The following RTEL1 variants were observed in gnomAD, a reference collection of about 807,000 sequenced individuals.
RTEL1 encodes regulator of telomere elongation helicase 1.
Under a neutral mutation model 162.2 loss-of-function variants are expected in RTEL1, and 86 were observed. The ratio of observed to expected loss-of-function variants is 0.53; its 90% CI spans 0.45 to 0.63. The LOEUF (loss-of-function observed/expected upper bound fraction) is 0.63, where lower values mean the gene tolerates loss of function less well. Among genes scored for constraint, RTEL1 ranks in the 30% least tolerant of loss-of-function variants. The pLI, the probability that RTEL1 is intolerant of heterozygous loss-of-function variation, is 0.00. For synonymous variants in RTEL1, 958 were observed against 717.9 expected (o/e 1.33, Z -5.35); for missense variants, 1,941 against 1,750.2 (o/e 1.11, Z -1.95).
chr20:63,691,007 C>T, intron 27 of RTEL1, 60 bp downstream of exon 27: 2 of 1,476,740 alleles, frequency 1.4e-6, no homozygotes, highest in Non-Finnish European at 1.8e-6. Flanking sequence ...CCAACCCGAC[C>T]CCGCCCATCT....
chr20:63,678,108 T>C (rs1231679986), intron 10 of RTEL1, 37 bp from the exon 11 acceptor site: 5 of 1,613,824 alleles, frequency 3.1e-6, no homozygotes, highest in Non-Finnish European at 4.2e-6. Context: ...GGCACGAGCG[T>C]GATGCAGACT....
At chr20:63,682,405 C>G (rs936328966) in intron 14 of RTEL1, 1 of 985,662 alleles carries the variant, frequency 1.0e-6, no homozygotes, top group African/African-American at 1.7e-5. Context: ...ACGCGGCCTC[C>G]CAGCCTCCCA....
chr20:63,675,403 A>G (rs1011723302), intron 10 of RTEL1, among the ~76,000 whole-genome samples: 4 of 152,110 alleles, frequency 2.6e-5, no homozygotes, highest in Non-Finnish European at 5.9e-5. Context: ...CCCCGTCCTC[A>G]CCCTTCTCAC....
rs1375173347 is a variant in RTEL1 at position 63,661,086 on chromosome 20, C to T, written c.103-212C>T. 6.6e-6 allele frequency among the ~76,000 whole-genome samples: 1 copy of T among 152,250 alleles called. No homozygotes were observed. Among genetic ancestry groups the T allele is most frequent in the Non-Finnish European group, 1.5e-5 (1 of 68,040 alleles). On this transcript the variant is annotated intron_variant, in intron 2 of 34. Coordinates refer to ENST00000360203, the MANE Select transcript of RTEL1 (RefSeq NM_001283009.2). This position sits in a 1 kb window ranked among gnomAD's most constrained non-coding sequence, Gnocchi z 5.1. ...TGGGTAACGTTCTGCAAATCGTTTG[C>T]TAATGGCGGCTGAGTTGCTTCACGC...
intron 9 of RTEL1, among the ~76,000 whole-genome samples, chr20:63,673,220 C>G (rs1353577747): frequency 6.6e-6 from 1 of 151,852 alleles, no homozygotes; most frequent in East Asian, 2.0e-4. Flanking sequence ...AGTGAAACAC[C>G]GTCTCTACTA....
Position 63,661,441 on chromosome 20 carries a change from G to A in RTEL1, c.246G>A (p.Pro82=), listed in dbSNP as rs775247678. The A allele has an allele frequency of 2.5e-5, 40 of 1,613,620 alleles. No individual in the cohort carries two copies. In the Middle Eastern group the frequency reaches 6.6e-4, roughly 27 times the overall value. ...IAERAQGELF[P]DRALSSWGNA... is the part of the protein sequence containing the mutation. ...AGAGGGCGCAAGGAGAGCTTTTCCC[G>A]GATCGGGCCTTGTCATCCTGGGGCA... Residue 82 remains proline (P), a synonymous_variant, in exon 3 of 35, where the codon CCG becomes CCA. Coordinates refer to ENST00000360203, the MANE Select transcript of RTEL1 (RefSeq NM_001283009.2). This position sits in a 1 kb window ranked among gnomAD's most constrained non-coding sequence, Gnocchi z 5.1.
intron 14 of RTEL1, chr20:63,682,785 G>A (rs1241346530): frequency 2.0e-5 from 15 of 758,450 alleles, no homozygotes; most frequent in Non-Finnish European, 2.4e-5. Context: ...TCAGCTGGAG[G>A]CGAACTCCAG....
chr20:63,690,668 C>CGAG, intron 26 of RTEL1, 137 bp from the exon 27 acceptor site: 4 of 1,077,316 alleles, frequency 3.7e-6, no homozygotes, highest in Non-Finnish European at 5.2e-6. Context: ...GGCTGAGACT[C>CGAG]CCCCCAATAG....
chr20:63,687,584 G>C, intron 16 of RTEL1, 54 bp from the exon 17 acceptor site: 8 of 1,526,904 alleles, frequency 5.2e-6, no homozygotes, highest in Non-Finnish European at 7.0e-6. Flanking sequence ...CAGGTGGTCA[G>C]GCCCCCAGTC....
chr20:63,659,603 C>T lies in RTEL1; in HGVS notation c.102+99C>T, dbSNP rs1028969781. ...CCGGCCCATTCCAGCCAGGCCCCTC[C>T]GGGCCAGAGGCAGCGTCTGTCATAA... On this transcript the variant is annotated intron_variant, in intron 2 of 34. Coordinates refer to ENST00000360203, the MANE Select transcript of RTEL1 (RefSeq NM_001283009.2). The T allele has an allele frequency of 1.7e-4, 151 of 886,636 alleles. 1 individual carries two copies. The highest frequency in any genetic ancestry group is 1.0e-4 in the East Asian group (4 of 40,014). The allele number at this position is 886,636 out of a possible 1,614,324, so 54.9% of individuals were successfully genotyped here. A position where few individuals can be genotyped will look rare whatever the true frequency, so the allele number is the denominator to read the frequency against.
chr20:63,672,072 CGG>C (rs2090253996), intron 8 of RTEL1, among the ~76,000 whole-genome samples: 1 of 141,942 alleles, frequency 7.0e-6, no homozygotes, highest in African/African-American at 2.7e-5. Context: ...TTAGTAGAGA[CGG>C]GGTTTTACCA....
intron 10 of RTEL1, among the ~76,000 whole-genome samples, chr20:63,676,912 C>G (rs1049874830): frequency 2.4e-5 from 3 of 125,346 alleles, no homozygotes; most frequent in African/African-American, 9.4e-5. Context: ...TCCAGCCTGG[C>G]GACAGAGCGA....
intron 30 of RTEL1, among the ~76,000 whole-genome samples, chr20:63,693,651 TCCA>T (rs2090873515): frequency 0.063 from 145 of 2,312 alleles, no homozygotes; most frequent in Admixed American, 0.1. Flanking sequence ...CACCTCCACC[TCCA>T]CCACCACCTC....
chr20:63,678,284 G>C lies in RTEL1; in HGVS notation c.975G>C (p.Leu325=), dbSNP rs1375885027. 6.2e-7 allele frequency: 1 copy of C among 1,612,764 alleles called. No homozygotes were observed. ...GACCCACAGTGATCCTGCTGCGCCTGGAGGGGGCCATCGATGCTGTTGAGC... is the reference window on the plus strand; with the variant it reads ...GACCCACAGTGATCCTGCTGCGCCTCGAGGGGGCCATCGATGCTGTTGAGC... The part of the protein sequence containing the change: ...IAKLKMILLR[L]EGAIDAVELP... The change falls in exon 12 of 35, where the codon CTG becomes CTC. Residue 325 remains leucine, a synonymous_variant. Transcript: ENST00000360203.
intron 27 of RTEL1, 108 bp downstream of exon 27, chr20:63,691,055 C>G (rs1016145744): frequency 8.2e-7 from 1 of 1,219,902 alleles, no homozygotes; most frequent in Non-Finnish European, 1.1e-6. Context: ...TGTAAATCCC[C>G]TGCCTGGCAG....
chr20:63,671,209 C>T (rs1298912515), intron 8 of RTEL1, among the ~76,000 whole-genome samples: 2 of 152,040 alleles, frequency 1.3e-5, no homozygotes, highest in African/African-American at 2.4e-5. Flanking sequence ...TACAGGCACC[C>T]GCCACCACAC....
chr20:63,672,876 C>G (rs1049823882), intron 9 of RTEL1, among the ~76,000 whole-genome samples: 4 of 152,228 alleles, frequency 2.6e-5, no homozygotes, highest in African/African-American at 9.6e-5. Context: ...CTCACCAGAC[C>G]CTTTCCCTCC....
chr20:63,691,024 A>G (rs1247284027), intron 27 of RTEL1, 77 bp downstream of exon 27: 70 of 1,417,058 alleles, frequency 4.9e-5, no homozygotes, highest in Non-Finnish European at 6.5e-5. Flanking sequence ...ATCTGGCCTC[A>G]GGCACCTCCC....
intron 30 of RTEL1, 51 bp from the exon 31 acceptor site, chr20:63,694,320 GA>G: frequency 3.0e-6 from 4 of 1,328,730 alleles, no homozygotes; most frequent in Non-Finnish European, 4.3e-6. Context: ...CCACCCCAGG[GA>G]ACTTTCCAGA....
Sources: gnomAD v4.1 joint callset for allele counts (sites outside exome capture counted in the v4.1 genomes callset) on GRCh38, gnomAD v4.1.1 for gene constraint, Gnocchi (gnomAD v3.1) non-coding constraint, MANE v1.5 for transcripts, NCBI Gene and HGNC (gene_info 2026-07-23, HGNC 2026-07-21) for gene names.